PLXDC2: variants seen among roughly 807,000 people sequenced by gnomAD.
PLXDC2 encodes plexin domain containing 2, also known as plexin domain-containing protein 2.
Under a neutral mutation model 68.9 loss-of-function variants are expected in PLXDC2, and 40 were observed. The observed-to-expected ratio is 0.58, with a 90% CI of 0.45 to 0.76. PLXDC2 has a LOEUF of 0.76. Ranked by LOEUF, PLXDC2 falls within the 30% of genes least tolerant of loss-of-function variation. The pLI, the probability that PLXDC2 is intolerant of heterozygous loss-of-function variation, is 0.00. For missense variants in PLXDC2, 644 were observed against 661.9 expected (o/e 0.97, Z 0.30); for synonymous variants, 243 against 234.2 (o/e 1.04, Z -0.34).
intron 9 of PLXDC2, among the ~76,000 whole-genome samples, chr10:20,208,855 G>A (rs761896592): frequency 4.6e-5 from 7 of 152,016 alleles, no homozygotes; most frequent in South Asian, 2.1e-4. Flanking sequence ...CTGGGTGTCC[G>A]GGGGAGACAT....
chr10:20,055,441 T>C (rs572857626), intron 3 of PLXDC2, among the ~76,000 whole-genome samples: 2 of 152,286 alleles, frequency 1.3e-5, no homozygotes, highest in East Asian at 3.9e-4. Context: ...AATCTGTTGA[T>C]AAGTGCTCAT....
intron 1 of PLXDC2, among the ~76,000 whole-genome samples, chr10:19,827,453 G>T (rs1836593977): frequency 6.6e-6 from 1 of 151,946 alleles, no homozygotes; most frequent in East Asian, 1.9e-4. Context: ...GGGTCATTTT[G>T]TAAATAATTC....
At chr10:20,130,967 G>C (rs1175387785) in intron 4 of PLXDC2, among the ~76,000 whole-genome samples, 1 of 152,068 alleles carries the variant, frequency 6.6e-6, no homozygotes, top group African/African-American at 2.4e-5. Context: ...GTCTGACTTT[G>C]GTATCCAGGT....
At chr10:19,998,820 A>C (rs1834882561) in intron 1 of PLXDC2, among the ~76,000 whole-genome samples, 1 of 152,240 alleles carries the variant, frequency 6.6e-6, no homozygotes, top group East Asian at 1.9e-4. Context: ...GGAAAAAAAA[A>C]ATCAAACCTC....
rs373129507 is a variant in PLXDC2 at position 19,839,664 on chromosome 10, G to A, written c.112+22473G>A. Among the ~76,000 whole-genome samples the A allele has an allele frequency of 5.4e-5, 8 of 149,418 alleles. No homozygotes were observed. The East Asian group carries it at 1.6e-3, about 29-fold the overall frequency. On this transcript the variant is annotated intron_variant, in intron 1 of 13. Transcript: ENST00000377252. ...TTTTTTTTTGTGATGATTAAAATAT[G>A]AAACAGAGAATTCTTAGTACCTGAT... is the stretch of plus-strand genomic sequence containing the variant.
chr10:20,278,374 G>C (rs978348374), intron 13 of PLXDC2, among the ~76,000 whole-genome samples: 3 of 152,142 alleles, frequency 2.0e-5, no homozygotes, highest in South Asian at 2.1e-4. Flanking sequence ...ATAACCATGA[G>C]TTGTGGTACC....
At chr10:19,845,569 G>C (rs575333285) in intron 1 of PLXDC2, among the ~76,000 whole-genome samples, 29 of 152,250 alleles carry the variant, frequency 1.9e-4, no homozygotes, top group Non-Finnish European at 3.8e-4. Context: ...AGAGTTCTTA[G>C]CTTTCCCCAG....
intron 1 of PLXDC2, among the ~76,000 whole-genome samples, chr10:19,948,252 T>C (rs548922813): frequency 1.3e-5 from 2 of 152,306 alleles, no homozygotes; most frequent in East Asian, 3.9e-4. Context: ...AATAGAGCTG[T>C]GTTCTCCTTC....
At chr10:20,086,530 A>G (rs188162247) in intron 4 of PLXDC2, among the ~76,000 whole-genome samples, 1 of 151,862 alleles carries the variant, frequency 6.6e-6, no homozygotes, top group African/African-American at 2.4e-5. Context: ...GGCATTTTGC[A>G]TGTTCTTTTT....
rs146751972 is a variant in PLXDC2, at chr10:19,873,059, G to A, written c.112+55868G>A. On this transcript the variant is annotated intron_variant, in intron 1 of 13. Transcript: ENST00000377252. ...AATCTCCTAATACAGCAAAACGGTC[G>A]GTACAGGTTCAAAACAAGGGTGTTC... Among the ~76,000 whole-genome samples, 888 of 152,210 alleles carry A rather than the reference G, an allele frequency of 5.8e-3. 7 individuals carry two copies. The highest frequency in any genetic ancestry group is 0.02 in the African/African-American group (840 of 41,520).
intron 1 of PLXDC2, among the ~76,000 whole-genome samples, chr10:19,889,027 G>A (rs1837899693): frequency 6.6e-6 from 1 of 151,220 alleles, no homozygotes; most frequent in Non-Finnish European, 1.5e-5. Context: ...CTTGCAGAGG[G>A]TAGTAGAAAA....
chr10:20,196,905 G>A (rs977792468), intron 9 of PLXDC2, among the ~76,000 whole-genome samples: 13 of 151,980 alleles, frequency 8.6e-5, no homozygotes, highest in African/African-American at 2.7e-4. Context: ...ATCACTAATC[G>A]GCTTGTTAAT....
At chr10:20,243,599 A>G (rs879057787) in intron 12 of PLXDC2, among the ~76,000 whole-genome samples, 4 of 152,230 alleles carry the variant, frequency 2.6e-5, no homozygotes, top group Admixed American at 1.3e-4. Context: ...GAATTCCGTC[A>G]GTTCATGTGG....
At chr10:20,123,371 G>T (rs970553575) in intron 4 of PLXDC2, among the ~76,000 whole-genome samples, 1 of 152,108 alleles carries the variant, frequency 6.6e-6, no homozygotes, top group African/African-American at 2.4e-5. Flanking sequence ...GAGAGGGACC[G>T]ATGTGTAAAA....
intron 1 of PLXDC2, among the ~76,000 whole-genome samples, chr10:19,847,477 C>G (rs1837029559): frequency 6.6e-6 from 1 of 152,132 alleles, no homozygotes; most frequent in South Asian, 2.1e-4. Flanking sequence ...CAGCGGTTGC[C>G]CAAGTGTGGA....
chr10:19,883,111 C>T (rs1377208888), intron 1 of PLXDC2, among the ~76,000 whole-genome samples: 1 of 151,872 alleles, frequency 6.6e-6, no homozygotes, highest in South Asian at 2.1e-4. Flanking sequence ...CGCCCGCCAC[C>T]ACGCCCGGCT....
chr10:20,147,919 T>G lies in PLXDC2; in HGVS notation c.783+17T>G. 1 of 1,535,494 alleles carries G rather than the reference T, an allele frequency of 6.5e-7. No individual in the cohort carries two copies. Among genetic ancestry groups the G allele is most frequent in the East Asian group, 2.2e-5 (1 of 44,474 alleles). ...TACAAAGAAGTAAGTGATGCGTTGA[T>G]AATTTCTTTCCCTTCCCCTTGTTCT... On this transcript the variant is annotated intron_variant, in intron 6 of 13. Coordinates refer to ENST00000377252, the MANE Select transcript of PLXDC2 (RefSeq NM_032812.9).
rs1166055604 is a variant in PLXDC2 at position 19,859,355 on chromosome 10, G to T, written c.112+42164G>T. Among the ~76,000 whole-genome samples the T allele has an allele frequency of 3.3e-5, 5 of 152,174 alleles. No individual in the cohort carries two copies. The East Asian group carries it at 9.6e-4, about 29-fold the overall frequency. ...AAACCACAAACTCTCTAATGCCCCA[G>T]AGACGGCATTAAATGCTTTACATCC... On this transcript the variant is annotated intron_variant, in intron 1 of 13. Transcript: ENST00000377252.
intron 1 of PLXDC2, among the ~76,000 whole-genome samples, chr10:19,875,310 T>A (rs1171541625): frequency 6.6e-6 from 1 of 152,220 alleles, no homozygotes; most frequent in Non-Finnish European, 1.5e-5. Context: ...ACTCATTGAC[T>A]GTGTCACAAA....
Sources: allele counts gnomAD v4.1 joint callset (sites outside exome capture counted in the v4.1 genomes callset), GRCh38; gene constraint gnomAD v4.1.1; transcripts MANE v1.5; gene names NCBI Gene and HGNC (gene_info 2026-07-23, HGNC 2026-07-21).